Variants in GALK2 observed in about 807,000 individuals in gnomAD.
The protein encoded by GALK2 is galactokinase 2, also known as N-acetylgalactosamine kinase.
In GALK2, 36 loss-of-function variants were observed where a neutral mutation model predicts 52.4. That is an observed-to-expected ratio of 0.69 (90% CI 0.53 to 0.91). GALK2 has a LOEUF of 0.91. GALK2 is among the 40% of genes least tolerant of loss of function. The pLI, the probability that GALK2 is intolerant of heterozygous loss-of-function variation, is 0.00. For synonymous variants in GALK2, 176 were observed against 199.1 expected, an observed-to-expected ratio of 0.88 and a Z score of 0.98; for missense variants, 579 against 559.1, an observed-to-expected ratio of 1.04 and a Z score of -0.36.
chr15:49,328,891 C>G lies in GALK2; in HGVS notation c.*732C>G. On this transcript the variant is annotated 3_prime_UTR_variant, in exon 10 of 10. Transcript: ENST00000560031. The stretch of plus-strand genomic sequence containing the variant: ...TTCAATTCTTTTGGCCCTGAGCTAT[C>G]TCCATTACTTAATAGAAAAACTTAG... 5 of 1,279,036 alleles carry G rather than the reference C, an allele frequency of 3.9e-6. No homozygotes were observed. The highest frequency in any genetic ancestry group is 5.0e-6 in the Non-Finnish European group (5 of 1,008,138). The allele number at this position is 1,279,036 out of a possible 1,614,324, so 79.2% of individuals were successfully genotyped here.
At chr15:49,263,994 T>C (rs1284347635) in intron 5 of GALK2, among the ~76,000 whole-genome samples, 11 of 151,804 alleles carry the variant, frequency 7.2e-5, no homozygotes, top group Non-Finnish European at 1.0e-4. Flanking sequence ...TCTCTAGCTG[T>C]CCTTAACATT....
chr15:49,357,280 A>G lies in GALK2; in HGVS notation c.427-10211A>G, dbSNP rs1178945366. ...AGAGACACAAAAAACCCTTCAAAAAATTAGTGAATCCAGGAGCTGGTTTTT... is the reference window on the plus strand; with the variant it reads ...AGAGACACAAAAAACCCTTCAAAAAGTTAGTGAATCCAGGAGCTGGTTTTT... On this transcript the variant is annotated intron_variant, in intron 3 of 3. Coordinates refer to the GALK2 transcript ENST00000558399. 3.0e-4 allele frequency among the ~76,000 whole-genome samples: 44 copies of G among 148,868 alleles called. No homozygotes were observed. The South Asian group carries it at 7.1e-3, about 24-fold the overall frequency.
In GALK2 at chr15:49,197,605, A is replaced by T. The variant is rs577595921; in HGVS notation, c.54-3557A>T. 2.0e-5 allele frequency among the ~76,000 whole-genome samples: 3 copies of T among 152,198 alleles called. No individual in the cohort carries two copies. The South Asian group carries it at 6.2e-4, about 31-fold the overall frequency. On this transcript the variant is annotated intron_variant, in intron 1 of 9. Transcript: ENST00000560031. ...TACAATATTTTAAATAATTTTATTTATGAAAGTTTGTGTTAAATACTTAAA... is the reference window on the plus strand; with the variant it reads ...TACAATATTTTAAATAATTTTATTTTTGAAAGTTTGTGTTAAATACTTAAA...
chr15:49,367,552 A>G (rs1167625226), exon 4 of GALK2: 2 of 1,605,614 alleles, frequency 1.2e-6, no homozygotes, highest in South Asian at 2.3e-5. Flanking sequence ...ATGGACTCTG[A>G]CCTCCAAAAT....
intron 5 of GALK2, among the ~76,000 whole-genome samples, chr15:49,245,878 T>G (rs753881746): frequency 1.2e-4 from 18 of 152,210 alleles, no homozygotes; most frequent in Non-Finnish European, 2.2e-4. Context: ...CCAATTTTCT[T>G]GAACATTAAA....
intron 8 of GALK2, among the ~76,000 whole-genome samples, chr15:49,304,409 A>C (rs2035373521): frequency 6.6e-6 from 1 of 152,202 alleles, no homozygotes; most frequent in Non-Finnish European, 1.5e-5. Context: ...TCAGCAAAAG[A>C]GTTTGTTCAT....
At chr15:49,299,739 C>CTTTCTTTCTTTCTTTCTTTCTTTTT (rs2034847926) in intron 8 of GALK2, among the ~76,000 whole-genome samples, 4 of 76,380 alleles carry the variant, frequency 5.2e-5, no homozygotes, top group African/African-American at 2.1e-4. Context: ...TCTTTCTTTT[C>CTTTCTTTCTTTCTTTCTTTCTTTTT]TTTCTTTCTT....
Position 49,331,864 on chromosome 15 carries a change from A to C in GALK2, c.*3705A>C, listed in dbSNP as rs989816023. The C allele has an allele frequency of 6.5e-7, 1 of 1,549,110 alleles. No homozygotes were observed. Among genetic ancestry groups the C allele is most frequent in the African/African-American group, 1.4e-5 (1 of 73,610 alleles). Reference sequence around the variant, plus strand: ...TTGCTTGGAGTCTAATCATGGAATAAAGAAAATCAGTAACCAAACTAATTG... The same window carrying C: ...TTGCTTGGAGTCTAATCATGGAATACAGAAAATCAGTAACCAAACTAATTG... On this transcript the variant is annotated 3_prime_UTR_variant, in exon 10 of 10. Transcript: ENST00000560031.
chr15:49,278,598 G>A (rs1247179735), intron 5 of GALK2, among the ~76,000 whole-genome samples: 1 of 152,144 alleles, frequency 6.6e-6, no homozygotes, highest in East Asian at 1.9e-4. Context: ...TAATCCTGTG[G>A]CTAGGGAGGT....
intron 3 of GALK2, among the ~76,000 whole-genome samples, chr15:49,225,871 A>G (rs983539129): frequency 6.6e-6 from 1 of 152,232 alleles, no homozygotes; most frequent in Non-Finnish European, 1.5e-5. Context: ...CCTCTGAGAA[A>G]GTACTCAGGC....
chr15:49,324,053 T>C (rs1269405770), intron 9 of GALK2, among the ~76,000 whole-genome samples: 1 of 152,250 alleles, frequency 6.6e-6, no homozygotes, highest in African/African-American at 2.4e-5. Context: ...GTCAGTTATA[T>C]GTGAGACAGC....
chr15:49,214,332 C>CTTTTTTTT (rs35359586), intron 2 of GALK2, among the ~76,000 whole-genome samples: 17 of 126,670 alleles, frequency 1.3e-4, no homozygotes, highest in African/African-American at 2.8e-4. Context: ...CACTTTGTCA[C>CTTTTTTTT]TTTTTTTTTT....
intron 5 of GALK2, among the ~76,000 whole-genome samples, chr15:49,275,641 T>C (rs2141715364): frequency 6.6e-6 from 1 of 152,330 alleles, no homozygotes; most frequent in Non-Finnish European, 1.5e-5. Flanking sequence ...TCCAGTGTAA[T>C]TCAGCTTTTA....
Position 49,312,828 on chromosome 15 carries a change from G to A in GALK2, c.968-6776G>A, listed in dbSNP as rs1160560588. On this transcript the variant is annotated intron_variant, in intron 8 of 9. Coordinates refer to ENST00000560031, the MANE Select transcript of GALK2 (RefSeq NM_002044.4). ...GGAACAGAACCAAGACCAAAGAGTA[G>A]AAGTTACAGGAAGACAGATTATAAT... is the stretch of plus-strand genomic sequence containing the variant. Among the ~76,000 whole-genome samples the A allele has an allele frequency of 5.3e-5, 8 of 152,192 alleles. No individual in the cohort carries two copies. In the East Asian group the frequency reaches 1.3e-3, roughly 26 times the overall value.
intron 2 of GALK2, among the ~76,000 whole-genome samples, chr15:49,209,696 T>G (rs1343169979): frequency 6.6e-6 from 1 of 152,194 alleles, no homozygotes; most frequent in Non-Finnish European, 1.5e-5. Flanking sequence ...CACTTGATCA[T>G]GGTATATAAT....
At chr15:49,265,279 C>T (rs928254560) in intron 5 of GALK2, among the ~76,000 whole-genome samples, 15 of 152,190 alleles carry the variant, frequency 9.9e-5, no homozygotes, top group East Asian at 3.9e-4. Context: ...GGCAATGGCG[C>T]GCGCCCTCCC....
In GALK2 at chr15:49,207,742, T is replaced by C. The variant is rs144304650; in HGVS notation, c.142+6492T>C. Among the ~76,000 whole-genome samples, 321 of 152,298 alleles carry C rather than the reference T, an allele frequency of 2.1e-3. 2 individuals are homozygous for C. The highest frequency in any genetic ancestry group is 7.3e-3 in the African/African-American group (305 of 41,570). ...GTGAGGTTATTTGGATTTTCTCTCT[T>C]CTTTTCTTGGGTTAATCTTGCTAAT... is the stretch of plus-strand genomic sequence containing the variant. On this transcript the variant is annotated intron_variant, in intron 2 of 9. Coordinates refer to ENST00000560031, the MANE Select transcript of GALK2 (RefSeq NM_002044.4).
At chr15:49,206,871 C>T (rs747949775) in intron 2 of GALK2, among the ~76,000 whole-genome samples, 1 of 152,046 alleles carries the variant, frequency 6.6e-6, no homozygotes. Context: ...CCTCCAGTAC[C>T]ATGTTGAAAA....
intron 3 of GALK2, among the ~76,000 whole-genome samples, chr15:49,363,103 C>G (rs577753264): frequency 6.6e-6 from 1 of 152,208 alleles, no homozygotes; most frequent in African/African-American, 2.4e-5. Context: ...CTTGGCTGTT[C>G]AAGCTCTTTT....
Sources: gnomAD v4.1 joint callset for allele counts (sites outside exome capture counted in the v4.1 genomes callset) on GRCh38, gnomAD v4.1.1 for gene constraint, MANE v1.5 for transcripts, NCBI Gene and HGNC (gene_info 2026-07-23, HGNC 2026-07-21) for gene names.